The following RNF145 variants were observed in gnomAD, a reference collection of about 807,000 sequenced individuals.
The protein encoded by RNF145 is ring finger protein 145.
Under a neutral mutation model 57.3 loss-of-function variants are expected in RNF145, and 12 were observed. The ratio of observed to expected loss-of-function variants is 0.21; its 90% CI spans 0.13 to 0.34. The LOEUF (loss-of-function observed/expected upper bound fraction) is 0.34. Ranked by LOEUF, RNF145 falls within the 10% of genes least tolerant of loss-of-function variation. The pLI, the probability that RNF145 is intolerant of heterozygous loss-of-function variation, is 1.00. For missense variants in RNF145, 429 were observed against 799.0 expected, an observed-to-expected ratio of 0.54 and a Z score of 5.58; for synonymous variants, 262 against 288.3, an observed-to-expected ratio of 0.91 and a Z score of 0.92.
chr5:159,182,212 T>C (rs1404478253), intron 3 of RNF145, among the ~76,000 whole-genome samples, 161 bp from the exon 4 acceptor site: 1 of 152,168 alleles, frequency 6.6e-6, no homozygotes, highest in Non-Finnish European at 1.5e-5. Flanking sequence ...CTCTGTTTTC[T>C]GTGCACTAGA....
chr5:159,206,064 T>C (rs981772413), intron 1 of RNF145, among the ~76,000 whole-genome samples: 4 of 152,074 alleles, frequency 2.6e-5, no homozygotes, highest in African/African-American at 9.7e-5. Context: ...CACCCACCAC[T>C]CCTGCCTAAC....
chr5:159,184,007 G>C (rs898076053), intron 3 of RNF145, among the ~76,000 whole-genome samples: 1 of 152,178 alleles, frequency 6.6e-6, no homozygotes, highest in Non-Finnish European at 1.5e-5. Context: ...AGAAAAGGGA[G>C]AGAGGTCAGC....
chr5:159,180,514 G>C (rs572977333), intron 4 of RNF145, among the ~76,000 whole-genome samples: 1 of 151,976 alleles, frequency 6.6e-6, no homozygotes, highest in South Asian at 2.1e-4. Context: ...ACCCTATAAG[G>C]CATTTTCATT....
chr5:159,187,620 C>G (rs1785122063), intron 3 of RNF145, among the ~76,000 whole-genome samples: 1 of 152,276 alleles, frequency 6.6e-6, no homozygotes, highest in East Asian at 1.9e-4. Flanking sequence ...TGCCACCACT[C>G]CCGGCCTATC....
chr5:159,160,631 G>A (rs1327581578), intron 10 of RNF145, among the ~76,000 whole-genome samples: 1 of 152,132 alleles, frequency 6.6e-6, no homozygotes, highest in African/African-American at 2.4e-5. Flanking sequence ...TTTTGTTGTT[G>A]TTTTATTTCC....
chr5:159,209,046 G>T (rs1786009187), intron 1 of RNF145, among the ~76,000 whole-genome samples, 185 bp downstream of exon 1: 3 of 152,040 alleles, frequency 2.0e-5, no homozygotes, highest in South Asian at 2.1e-4. Context: ...GGGTGCTGCG[G>T]CTGAAGAGGG....
chr5:159,209,415 G>A lies in RNF145; in HGVS notation c.-224C>T, dbSNP rs1786025351. 6.4e-6 allele frequency: 6 copies of A among 944,230 alleles called. No individual in the cohort carries two copies. The South Asian group carries it at 1.4e-4, about 23-fold the overall frequency. 58.5% of individuals were successfully genotyped at this position (944,230 alleles called of 1,614,324 possible). A position where few individuals can be genotyped will look rare whatever the true frequency, so the allele number is the denominator to read the frequency against. ...TTGCTTCTGGGGAGGCGGAGGCAGC[G>A]GCAGCGGCAGCGGCCCGGCCCGTAC... On this transcript the variant is annotated 5_prime_UTR_variant, in exon 1 of 11. Transcript: ENST00000424310.
chr5:159,172,461 C>T (rs925168753), intron 6 of RNF145, among the ~76,000 whole-genome samples: 9 of 151,546 alleles, frequency 5.9e-5, no homozygotes, highest in Admixed American at 4.6e-4. Flanking sequence ...AGCTGGGCGA[C>T]GGAGCCAGAT....
At chr5:159,197,543 AAG>A (rs1275873657) in intron 2 of RNF145, among the ~76,000 whole-genome samples, 1 of 152,216 alleles carries the variant, frequency 6.6e-6, no homozygotes, top group African/African-American at 2.4e-5. Context: ...ATATTTGTGT[AAG>A]AAAACTTTGA....
intron 3 of RNF145, among the ~76,000 whole-genome samples, chr5:159,185,044 C>T (rs1275679529): frequency 6.6e-6 from 1 of 152,108 alleles, no homozygotes; most frequent in Non-Finnish European, 1.5e-5. Context: ...TACTGTACTG[C>T]CCCCCACATT....
At position 159,209,520 on chromosome 5, in the gene RNF145, C is replaced by A. The variant is rs1031311290; in HGVS notation, c.-329G>T. ...GCGCCGGCGTCGGCGGCCATGGCCT[C>A]CTGCGTTTGCTCCTCCCGCCCCCGG... On this transcript the variant is annotated 5_prime_UTR_variant, in exon 1 of 11. Transcript: ENST00000424310. 1.6e-5 allele frequency: 16 copies of A among 981,770 alleles called. No homozygotes were observed. Among genetic ancestry groups the A allele is most frequent in the Non-Finnish European group, 4.8e-6 (4 of 827,446 alleles). 60.8% of individuals were successfully genotyped at this position (981,770 alleles called of 1,614,324 possible).
chr5:159,177,534 A>G (rs1200442780), intron 4 of RNF145, among the ~76,000 whole-genome samples: 1 of 152,052 alleles, frequency 6.6e-6, no homozygotes, highest in Admixed American at 6.6e-5. Context: ...GGTACACTGA[A>G]TGTATGTGAC....
At chr5:159,176,146 G>C (rs1247031271) in intron 5 of RNF145, among the ~76,000 whole-genome samples, 1 of 152,042 alleles carries the variant, frequency 6.6e-6, no homozygotes, top group Non-Finnish European at 1.5e-5. Flanking sequence ...CACACAAAGG[G>C]AAGAAACTAT....
upstream of RNF145, chr5:159,209,678 C>A: frequency 1.0e-6 from 1 of 953,238 alleles, no homozygotes; most frequent in Non-Finnish European, 1.4e-6. Flanking sequence ...GCACCGCCTC[C>A]GGTGCGTGGG....
chr5:159,188,832 A>G (rs894025273), intron 3 of RNF145, among the ~76,000 whole-genome samples: 1 of 152,240 alleles, frequency 6.6e-6, no homozygotes, highest in Non-Finnish European at 1.5e-5. Context: ...AAATACACAT[A>G]AAGGAAAACA....
chr5:159,204,531 C>T lies in RNF145; in HGVS notation c.-39-875G>A, dbSNP rs934580384. 2.6e-5 allele frequency among the ~76,000 whole-genome samples: 4 copies of T among 152,050 alleles called. No individual in the cohort carries two copies. The South Asian group carries it at 6.2e-4, about 24-fold the overall frequency. On this transcript the variant is annotated intron_variant, in intron 1 of 10. Transcript: ENST00000424310. ...ATAAAATAGGGCAAACAAGGCCGGG[C>T]GCAGTGGCACACGCCTGTAATCCCA...
chr5:159,184,617 C>T (rs1363450091), intron 3 of RNF145, among the ~76,000 whole-genome samples: 3 of 152,074 alleles, frequency 2.0e-5, no homozygotes, highest in African/African-American at 7.2e-5. Context: ...TTAAAAACTA[C>T]ATCTTTTATT....
chr5:159,160,547 G>T (rs1784181898), intron 10 of RNF145, among the ~76,000 whole-genome samples: 1 of 152,130 alleles, frequency 6.6e-6, no homozygotes, highest in Non-Finnish European at 1.5e-5. Flanking sequence ...TTCTGCTGTT[G>T]GCCATCATCT....
At chr5:159,199,074 A>T (rs548629211) in intron 2 of RNF145, among the ~76,000 whole-genome samples, 1 of 152,194 alleles carries the variant, frequency 6.6e-6, no homozygotes, top group Non-Finnish European at 1.5e-5. Flanking sequence ...ACCTTAAAGG[A>T]GCTCACAATC....
Sources: gnomAD v4.1 joint callset for allele counts (sites outside exome capture counted in the v4.1 genomes callset) on GRCh38, gnomAD v4.1.1 for gene constraint, MANE v1.5 for transcripts, NCBI Gene and HGNC (gene_info 2026-07-23, HGNC 2026-07-21) for gene names.